The following AGAP1 variants were observed in gnomAD, a reference collection of about 807,000 sequenced individuals.
The protein encoded by AGAP1 is arf-GAP with GTPase, ANK repeat and PH domain-containing protein 1.
Under a neutral mutation model 105.3 loss-of-function variants are expected in AGAP1, and 29 were observed. The ratio of observed to expected loss-of-function variants is 0.28; its 90% CI spans 0.21 to 0.38. AGAP1 has a LOEUF of 0.38. Ranked by LOEUF, AGAP1 falls within the 10% of genes least tolerant of loss-of-function variation. AGAP1 has a pLI of 1.00. For missense variants in AGAP1, 998 were observed against 1,165.1 expected, an observed-to-expected ratio of 0.86 and a Z score of 2.09; for synonymous variants, 509 against 485.9, an observed-to-expected ratio of 1.05 and a Z score of -0.63.
At chr2:235,917,072 T>C (rs1010828055) in intron 11 of AGAP1, among the ~76,000 whole-genome samples, 2 of 152,338 alleles carry the variant, frequency 1.3e-5, no homozygotes, top group East Asian at 3.9e-4. Context: ...AGTGTGTCTT[T>C]GTTGGGTTTT....
rs371021665 is a variant in AGAP1, at chr2:235,919,125, G to A, written c.1324+10219G>A. On this transcript the variant is annotated intron_variant, in intron 11 of 17. Transcript: ENST00000304032. This position sits in a 1 kb window ranked among gnomAD's most constrained non-coding sequence, Gnocchi z 4.1. ...GGTCTGCAGGGTCAGCTGTGGGAAA[G>A]AGGAGGTGCCCGGAAGAGCCTCTGT... Among the ~76,000 whole-genome samples, 6 of 152,156 alleles carry A rather than the reference G, an allele frequency of 3.9e-5. 1 individual carries two copies. In the East Asian group the frequency reaches 7.7e-4, roughly 20 times the overall value.
chr2:235,562,525 A>G (rs1944190952), intron 1 of AGAP1, among the ~76,000 whole-genome samples: 1 of 151,882 alleles, frequency 6.6e-6, no homozygotes, highest in Non-Finnish European at 1.5e-5. Context: ...CCCCAGCCCC[A>G]GCAGTCCGGC....
chr2:236,081,296 T>C (rs2058774028), intron 16 of AGAP1, among the ~76,000 whole-genome samples: 1 of 152,144 alleles, frequency 6.6e-6, no homozygotes. Context: ...ACCTCAACTT[T>C]CTTCTTTAAA....
chr2:235,613,978 C>A (rs555471325), intron 1 of AGAP1, among the ~76,000 whole-genome samples: 1 of 151,424 alleles, frequency 6.6e-6, no homozygotes, highest in Non-Finnish European at 1.5e-5. Context: ...GAATATTGTG[C>A]ATGAGTCAGA....
intron 1 of AGAP1, among the ~76,000 whole-genome samples, chr2:235,646,125 A>C (rs962806135): frequency 3.6e-4 from 55 of 152,084 alleles, no homozygotes; most frequent in Admixed American, 3.6e-3. Flanking sequence ...AAATACAAAA[A>C]TTAGCTGGGC....
At position 236,090,814 on chromosome 2, in the gene AGAP1, A is replaced by G. The variant is rs2059040208; in HGVS notation, c.2115-29378A>G. ...GAGTGCAGTGGCACGATCTTGGCTC[A>G]CTGCAACCCCCGCCTCCCAGGTTCA... On this transcript the variant is annotated intron_variant, in intron 16 of 17. Coordinates refer to ENST00000304032, the MANE Select transcript of AGAP1 (RefSeq NM_001037131.3). The surrounding 1 kb of genome is among the most constrained non-coding windows in gnomAD (Gnocchi z 4.3). Among the ~76,000 whole-genome samples, 1 of 152,152 alleles carries G rather than the reference A, an allele frequency of 6.6e-6. No homozygotes were observed. The highest frequency in any genetic ancestry group is 2.1e-4 in the South Asian group (1 of 4,824).
chr2:235,547,148 G>A (rs1943651299), intron 1 of AGAP1, among the ~76,000 whole-genome samples: 2 of 152,144 alleles, frequency 1.3e-5, no homozygotes, highest in African/African-American at 2.4e-5. Flanking sequence ...AGACCAGGGA[G>A]GTGACGGGCA....
In AGAP1 at chr2:235,875,909, A is replaced by G. The variant is rs780767901; in HGVS notation, c.1051-7436A>G. Among the ~76,000 whole-genome samples, 16 of 152,210 alleles carry G rather than the reference A, an allele frequency of 1.1e-4. No individual in the cohort carries two copies. The highest frequency in any genetic ancestry group is 3.2e-3 in the Middle Eastern group (1 of 316). Reference sequence around the variant, plus strand: ...CTTTTTATTTCATTTTAAAAACTCAATGCATTGTTTGTTTATATTTAACAT... The same window carrying G: ...CTTTTTATTTCATTTTAAAAACTCAGTGCATTGTTTGTTTATATTTAACAT... On this transcript the variant is annotated intron_variant, in intron 9 of 17. Transcript: ENST00000304032. The surrounding 1 kb of genome is among the most constrained non-coding windows in gnomAD (Gnocchi z 4.0).
At position 235,976,339 on chromosome 2, in the gene AGAP1, C is replaced by T. The variant is rs2054856091; in HGVS notation, c.1645+7716C>T. ...GACATTGTAGATTGGGCACAGTTGA[C>T]TCAAAAGCCATCCTGCAGGGTACAG... is the stretch of plus-strand genomic sequence containing the variant. On this transcript the variant is annotated intron_variant, in intron 13 of 17. Coordinates refer to ENST00000304032, the MANE Select transcript of AGAP1 (RefSeq NM_001037131.3). The surrounding 1 kb of genome is among the most constrained non-coding windows in gnomAD (Gnocchi z 4.5). Among the ~76,000 whole-genome samples the T allele has an allele frequency of 6.6e-6, 1 of 152,134 alleles. No homozygotes were observed. Among genetic ancestry groups the T allele is most frequent in the Non-Finnish European group, 1.5e-5 (1 of 68,030 alleles).
At position 235,517,818 on chromosome 2, in the gene AGAP1, C is replaced by T. The variant is rs1411238366; in HGVS notation, c.163+22969C>T. On this transcript the variant is annotated intron_variant, in intron 1 of 17. Transcript: ENST00000304032. This position sits in a 1 kb window ranked among gnomAD's most constrained non-coding sequence, Gnocchi z 4.1. ...CAGACATGGTGGCGTGTGCCTGTAA[C>T]CCCAGCTACACGGGAGGCTGAGGCA... Among the ~76,000 whole-genome samples, 1 of 151,470 alleles carries T rather than the reference C, an allele frequency of 6.6e-6. No individual in the cohort carries two copies. The highest frequency in any genetic ancestry group is 2.4e-5 in the African/African-American group (1 of 41,202).
rs957116321 is a variant in AGAP1 at position 235,719,681 on chromosome 2, G to T, written c.310+2037G>T. Among the ~76,000 whole-genome samples, 1 of 152,192 alleles carries T rather than the reference G, an allele frequency of 6.6e-6. No homozygotes were observed. Among genetic ancestry groups the T allele is most frequent in the Non-Finnish European group, 1.5e-5 (1 of 68,028 alleles). On this transcript the variant is annotated intron_variant, in intron 3 of 17. Coordinates refer to ENST00000304032, the MANE Select transcript of AGAP1 (RefSeq NM_001037131.3). This position sits in a 1 kb window ranked among gnomAD's most constrained non-coding sequence, Gnocchi z 4.9. ...GCTCATCCCCTCCATGGGGCCCCAT[G>T]CCCAAGGCTTCCTGGGTCAGGGGAA...
At chr2:235,539,654 G>A (rs1235725199) in intron 1 of AGAP1, among the ~76,000 whole-genome samples, 1 of 152,156 alleles carries the variant, frequency 6.6e-6, no homozygotes, top group Non-Finnish European at 1.5e-5. Context: ...CTGAGCTGTG[G>A]GGTAGAGGTA....
At chr2:235,518,225 G>C (rs1355748489) in intron 1 of AGAP1, among the ~76,000 whole-genome samples, 1 of 152,212 alleles carries the variant, frequency 6.6e-6, no homozygotes, top group Non-Finnish European at 1.5e-5. Context: ...TCCACGTGAA[G>C]ACAGTGGAGC....
In AGAP1 at chr2:235,750,217, T is replaced by C; in HGVS notation, c.539-137T>C. ...AGTCTCTTAGTTGGGAGGCAAACGA[T>C]GCTCTACAATTCCAGATTCATAAAC... On this transcript the variant is annotated intron_variant, in intron 5 of 17. Coordinates refer to ENST00000304032, the MANE Select transcript of AGAP1 (RefSeq NM_001037131.3). This position sits in a 1 kb window ranked among gnomAD's most constrained non-coding sequence, Gnocchi z 5.3. The C allele has an allele frequency of 7.9e-7, 1 of 1,258,080 alleles. No individual in the cohort carries two copies. Among genetic ancestry groups the C allele is most frequent in the East Asian group, 2.4e-5 (1 of 42,328 alleles). 77.9% of individuals were successfully genotyped at this position (1,258,080 alleles called of 1,614,324 possible).
At position 235,645,158 on chromosome 2, in the gene AGAP1, A is replaced by C. The variant is rs1947331922; in HGVS notation, c.164-64021A>C. On this transcript the variant is annotated intron_variant, in intron 1 of 17. Transcript: ENST00000304032. ...TGATCTGCCCACCTCAGCCTCCCAAAGTGCTGGGATTATAGGCGTGAGCCA... is the reference window on the plus strand; with the variant it reads ...TGATCTGCCCACCTCAGCCTCCCAACGTGCTGGGATTATAGGCGTGAGCCA... Among the ~76,000 whole-genome samples the C allele has an allele frequency of 3.9e-5, 6 of 152,264 alleles. No homozygotes were observed. The South Asian group carries it at 1.2e-3, about 32-fold the overall frequency.
At chr2:235,791,565 G>A (rs553255707) in intron 6 of AGAP1, among the ~76,000 whole-genome samples, 7 of 151,630 alleles carry the variant, frequency 4.6e-5, no homozygotes, top group South Asian at 2.1e-4. Flanking sequence ...TTTTTGAGAC[G>A]GATTCTTGCT....
chr2:235,884,378 C>T (rs1005694998), intron 10 of AGAP1, among the ~76,000 whole-genome samples: 1 of 151,162 alleles, frequency 6.6e-6, no homozygotes, highest in Non-Finnish European at 1.5e-5. Flanking sequence ...AATGTAAATT[C>T]TCTGTAAATA....
At chr2:235,948,834 G>T (rs142126386) in intron 12 of AGAP1, among the ~76,000 whole-genome samples, 9 of 152,098 alleles carry the variant, frequency 5.9e-5, no homozygotes, top group Non-Finnish European at 1.2e-4. Flanking sequence ...ACAGGTGTAC[G>T]GGAAGACCCA....
chr2:235,617,147 A>T (rs1342600413), intron 1 of AGAP1, among the ~76,000 whole-genome samples: 2 of 152,128 alleles, frequency 1.3e-5, no homozygotes, highest in African/African-American at 4.8e-5. Context: ...ATCGTAATGT[A>T]GGGGGAAAAA....
Sources: gnomAD v4.1 joint callset for allele counts (sites outside exome capture counted in the v4.1 genomes callset) on GRCh38, gnomAD v4.1.1 for gene constraint, Gnocchi (gnomAD v3.1) non-coding constraint, MANE v1.5 for transcripts, NCBI Gene and HGNC (gene_info 2026-07-23, HGNC 2026-07-21) for gene names.